Variants in PUDP observed in about 807,000 individuals in gnomAD.
PUDP encodes pseudouridine-5'-phosphatase.
A neutral mutation model predicts 9.4 loss-of-function variants in PUDP; 8 were observed. That is an observed-to-expected ratio of 0.85 (90% CI 0.50 to 1.53). The LOEUF (loss-of-function observed/expected upper bound fraction) is 1.53. Ranked by LOEUF, PUDP falls within the 40% of genes most tolerant of loss-of-function variation. The probability of loss-of-function intolerance (pLI) is 0.00; values close to 1 mark genes in which losing one functional copy is unlikely to be tolerated. For synonymous variants in PUDP, 99 were observed against 80.7 expected, an observed-to-expected ratio of 1.23 and a Z score of -1.22; for missense variants, 188 against 189.7, an observed-to-expected ratio of 0.99 and a Z score of 0.05.
At chrX:6,964,110 T>A (rs1260315483) in intron 3 of PUDP, among the ~76,000 whole-genome samples, 1 of 112,286 alleles carries the variant, frequency 8.9e-6, no homozygotes, top group Non-Finnish European at 1.9e-5. Flanking sequence ...CGGGGCTTTA[T>A]TTACAAACAA....
intron 3 of PUDP, among the ~76,000 whole-genome samples, chrX:6,896,302 C>T (rs765596447): frequency 9.0e-6 from 1 of 111,715 alleles, no homozygotes; most frequent in Non-Finnish European, 1.9e-5. Context: ...GACCCTTGAG[C>T]GCATCTTCAG....
intron 1 of PUDP, among the ~76,000 whole-genome samples, chrX:6,991,565 C>G (rs1378606547): frequency 9.2e-6 from 1 of 108,677 alleles, no homozygotes; most frequent in Non-Finnish European, 1.9e-5. Context: ...ATAGTTCCAG[C>G]TTCTTGGGAG....
At chrX:6,857,504 A>G (rs895469482) in intron 3 of PUDP, among the ~76,000 whole-genome samples, 2 of 112,360 alleles carry the variant, frequency 1.8e-5, no homozygotes, top group Non-Finnish European at 3.8e-5. Context: ...CACCATCAGA[A>G]CTCATTGCAG....
intron 3 of PUDP, among the ~76,000 whole-genome samples, chrX:6,921,390 C>CA (rs1006952151): frequency 4.6e-5 from 5 of 108,684 alleles, no homozygotes; most frequent in Admixed American, 2.0e-4. Context: ...TCTCAAAAAA[C>CA]AAAAAAAAGA....
intron 2 of PUDP, among the ~76,000 whole-genome samples, chrX:7,089,854 G>A (rs750365792): frequency 8.9e-6 from 1 of 111,943 alleles, no homozygotes; most frequent in Admixed American, 9.5e-5. Flanking sequence ...AACAAATCAT[G>A]TGCAGGCCCA....
intron 1 of PUDP, among the ~76,000 whole-genome samples, chrX:6,715,146 GATC>G (rs1276278139): frequency 3.6e-5 from 4 of 110,472 alleles, no homozygotes; most frequent in East Asian, 2.8e-4. Context: ...AGTTCATATT[GATC>G]ATGTTTTATT....
intron 3 of PUDP, among the ~76,000 whole-genome samples, chrX:6,893,229 G>A (rs1927541273): frequency 8.9e-6 from 1 of 111,964 alleles, no homozygotes; most frequent in Non-Finnish European, 1.9e-5. Flanking sequence ...CAGGTTAGAT[G>A]AATTGATGCT....
intron 3 of PUDP, among the ~76,000 whole-genome samples, chrX:6,903,813 A>T (rs1448013714): frequency 9.0e-6 from 1 of 110,534 alleles, no homozygotes; most frequent in Non-Finnish European, 1.9e-5. Flanking sequence ...GAGGGAGGTA[A>T]GAGCTGAAAA....
At chrX:6,897,746 T>C (rs998142230) in intron 3 of PUDP, among the ~76,000 whole-genome samples, 2 of 111,432 alleles carry the variant, frequency 1.8e-5, no homozygotes, top group African/African-American at 6.5e-5. Flanking sequence ...TTCTGATTCA[T>C]AGGCGGCAAC....
chrX:6,997,774 G>T (rs987643057), intron 1 of PUDP, among the ~76,000 whole-genome samples: 1 of 111,542 alleles, frequency 9.0e-6, no homozygotes, highest in African/African-American at 3.3e-5. Flanking sequence ...TTGGGGATTA[G>T]AAGTTACGTG....
rs892222655 is a variant in PUDP, at chrX:6,787,428, C to T, written c.*248-80962G>A. On this transcript the variant is annotated intron_variant and NMD_transcript_variant, in intron 3 of 3. Coordinates refer to the PUDP transcript ENST00000655425. ...AATCTCTATTTAGGCAGACACCCAG[C>T]GAAGAGGGTCGTTGCTATGCCATTG... 5.3e-4 allele frequency among the ~76,000 whole-genome samples: 59 copies of T among 112,142 alleles called. 1 individual carries two copies. The highest frequency in any genetic ancestry group is 1.1e-4 in the Non-Finnish European group (6 of 53,259).
intron 3 of PUDP, among the ~76,000 whole-genome samples, chrX:6,878,339 A>G (rs1927295650): frequency 9.2e-6 from 1 of 108,920 alleles, no homozygotes; most frequent in Non-Finnish European, 1.9e-5. Flanking sequence ...GAGCCATCCT[A>G]TATTATAAAA....
intron 3 of PUDP, among the ~76,000 whole-genome samples, chrX:6,928,405 A>G (rs192830006): frequency 6.7e-4 from 75 of 111,560 alleles, no homozygotes; most frequent in East Asian, 4.2e-3. Context: ...TCTTCAGCTC[A>G]GCGTGTCCAA....
intron 3 of PUDP, among the ~76,000 whole-genome samples, chrX:6,863,305 A>C (rs369367457): frequency 8.9e-6 from 1 of 112,750 alleles, no homozygotes; most frequent in African/African-American, 3.2e-5. Flanking sequence ...TGTATTTTGC[A>C]CATAGAACAC....
chrX:6,737,645 C>T (rs1042821569), intron 3 of PUDP, among the ~76,000 whole-genome samples: 8 of 110,291 alleles, frequency 7.3e-5, no homozygotes, highest in South Asian at 4.0e-4. Flanking sequence ...GAAGTGATGG[C>T]GGGGACCCAT....
intron 3 of PUDP, among the ~76,000 whole-genome samples, chrX:6,958,397 T>C (rs1928659054): frequency 8.9e-6 from 1 of 112,179 alleles, no homozygotes; most frequent in Admixed American, 9.5e-5. Context: ...GAACATAAAG[T>C]ACACTAATTT....
At chrX:7,006,364 T>C (rs1296247555) in intron 1 of PUDP, among the ~76,000 whole-genome samples, 1 of 112,169 alleles carries the variant, frequency 8.9e-6, no homozygotes, top group African/African-American at 3.2e-5. Flanking sequence ...TTTTGCTTTG[T>C]GTTTGATAGT....
At chrX:6,990,384 T>C (rs979894634) in intron 1 of PUDP, among the ~76,000 whole-genome samples, 4 of 111,671 alleles carry the variant, frequency 3.6e-5, no homozygotes, top group African/African-American at 1.3e-4. Flanking sequence ...GGTACATCAA[T>C]ATCAAGGGCC....
At chrX:6,901,859 A>G (rs1716619915) in intron 3 of PUDP, among the ~76,000 whole-genome samples, 1 of 112,021 alleles carries the variant, frequency 8.9e-6, no homozygotes, top group Admixed American at 9.5e-5. Flanking sequence ...GCAGATCATG[A>G]GAAATACTCT....
Sources: allele counts gnomAD v4.1 joint callset (sites outside exome capture counted in the v4.1 genomes callset), GRCh38; gene constraint gnomAD v4.1.1; transcripts MANE v1.5; gene names NCBI Gene and HGNC (gene_info 2026-07-23, HGNC 2026-07-21).